Variants in NCKAP5 observed in about 807,000 individuals in gnomAD.
The protein encoded by NCKAP5 is nck-associated protein 5.
A neutral mutation model predicts 167.0 loss-of-function variants in NCKAP5; 92 were observed. That is an observed-to-expected ratio of 0.55 (90% confidence interval 0.47 to 0.66). NCKAP5 has a LOEUF of 0.66. NCKAP5 is among the 30% of genes least tolerant of loss of function. The pLI, the probability that NCKAP5 is intolerant of heterozygous loss-of-function variation, is 0.00. For synonymous variants in NCKAP5, 891 were observed against 877.4 expected (o/e 1.02, Z -0.27); for missense variants, 2,378 against 2,315.0 (o/e 1.03, Z -0.56).
chr2:133,575,227 G>A, the NCKAP5 span, among the ~76,000 whole-genome samples: 1 of 152,226 alleles, frequency 6.6e-6, no homozygotes, highest in Non-Finnish European at 1.5e-5. Context: ...TCTTGGCTCT[G>A]TTGTCACTGC....
intron 3 of NCKAP5, among the ~76,000 whole-genome samples, chr2:133,442,527 GC>G (rs985151787): frequency 3.9e-5 from 6 of 152,154 alleles, no homozygotes; most frequent in Non-Finnish European, 8.8e-5. Flanking sequence ...AACCATCCAA[GC>G]CCCCAACCCC....
At chr2:133,375,275 T>C (rs1035031782) in intron 3 of NCKAP5, among the ~76,000 whole-genome samples, 2 of 152,214 alleles carry the variant, frequency 1.3e-5, no homozygotes, top group South Asian at 2.1e-4. Context: ...TACATTCTTT[T>C]GGTATTCTTC....
Position 132,784,334 on chromosome 2 carries a change from GGGA to G in NCKAP5, c.2474_2476del (p.Leu825del). The G allele has an allele frequency of 6.2e-7, 1 of 1,614,038 alleles. No homozygotes were observed. The highest frequency in any genetic ancestry group is 8.5e-7 in the Non-Finnish European group (1 of 1,179,898). On this transcript the variant is annotated inframe_deletion, in exon 14 of 20. Transcript: ENST00000409261. ...TTCAAGAGTCACCAGGCCAGATGAA[GGGA>G]GTAGTGTGGTGGCTTCGGGCTCCAT...
intron 4 of NCKAP5, among the ~76,000 whole-genome samples, chr2:133,231,893 G>C (rs2087166772): frequency 1.3e-5 from 2 of 152,142 alleles, no homozygotes; most frequent in Non-Finnish European, 2.9e-5. Flanking sequence ...TTTTATGCTA[G>C]TCATTTTCCG....
At chr2:132,691,162 C>T (rs567563812) in intron 19 of NCKAP5, among the ~76,000 whole-genome samples, 8 of 152,162 alleles carry the variant, frequency 5.3e-5, no homozygotes, top group Non-Finnish European at 1.2e-4. Flanking sequence ...AGTCATTCTT[C>T]ACCATTTGTT....
chr2:133,093,531 C>A (rs1393729080), intron 6 of NCKAP5, among the ~76,000 whole-genome samples: 1 of 152,166 alleles, frequency 6.6e-6, no homozygotes, highest in African/African-American at 2.4e-5. Flanking sequence ...CTTCTCTCTG[C>A]AAGGTTTTTA....
At chr2:133,663,437 A>G in the NCKAP5 span, among the ~76,000 whole-genome samples, 1 of 152,192 alleles carries the variant, frequency 6.6e-6, no homozygotes, top group African/African-American at 2.4e-5. Flanking sequence ...AAAAAAATAA[A>G]GTTTGACATT....
rs114641372 is a variant in NCKAP5 at position 133,128,203 on chromosome 2, G to A, written c.341+1775C>T. The stretch of plus-strand genomic sequence containing the variant: ...GTCACAGTGTTCTCCAAATCCTGGT[G>A]AAAAGTTAAAGACAAGACCCACACA... On this transcript the variant is annotated intron_variant, in intron 6 of 19. Transcript: ENST00000409261. 5.4e-3 allele frequency among the ~76,000 whole-genome samples: 815 copies of A among 152,292 alleles called. 16 individuals carry two copies. Among genetic ancestry groups the A allele is most frequent in the African/African-American group, 0.019 (774 of 41,566 alleles).
chr2:133,331,320 TA>T (rs780027501), intron 3 of NCKAP5, among the ~76,000 whole-genome samples: 4 of 152,188 alleles, frequency 2.6e-5, no homozygotes, highest in Non-Finnish European at 5.9e-5. Flanking sequence ...AGTTTAACAT[TA>T]ATGATTAAAC....
chr2:133,435,461 G>A (rs907748742), intron 3 of NCKAP5, among the ~76,000 whole-genome samples: 1 of 152,202 alleles, frequency 6.6e-6, no homozygotes, highest in African/African-American at 2.4e-5. Flanking sequence ...TCACGTCACT[G>A]AAAACGGAGA....
intron 6 of NCKAP5, among the ~76,000 whole-genome samples, chr2:133,034,201 G>A (rs1440691031): frequency 1.3e-5 from 2 of 152,120 alleles, no homozygotes; most frequent in African/African-American, 4.8e-5. Flanking sequence ...TACAGACCAG[G>A]AGAGAGTGAA....
intron 19 of NCKAP5, among the ~76,000 whole-genome samples, chr2:132,679,241 T>G (rs1048833622): frequency 2.0e-5 from 3 of 152,124 alleles, no homozygotes; most frequent in African/African-American, 7.2e-5. Flanking sequence ...CTGTAAAAAC[T>G]ACAGCATGAA....
chr2:133,217,515 T>C (rs750111163), intron 4 of NCKAP5, among the ~76,000 whole-genome samples: 1 of 152,080 alleles, frequency 6.6e-6, no homozygotes, highest in Non-Finnish European at 1.5e-5. Flanking sequence ...ATTCAATATA[T>C]TTTTCCTCTA....
At chr2:133,328,838 G>A (rs1205462905) in intron 3 of NCKAP5, among the ~76,000 whole-genome samples, 1 of 152,164 alleles carries the variant, frequency 6.6e-6, no homozygotes, top group East Asian at 1.9e-4. Context: ...GTTCTGAAAT[G>A]TCATGAAATG....
intron 3 of NCKAP5, among the ~76,000 whole-genome samples, chr2:133,382,177 A>T (rs1450839963): frequency 6.6e-6 from 1 of 152,140 alleles, no homozygotes; most frequent in Non-Finnish European, 1.5e-5. Flanking sequence ...CCTCAATCTC[A>T]AATTCAACGA....
intron 6 of NCKAP5, among the ~76,000 whole-genome samples, chr2:133,089,758 C>T (rs1293611537): frequency 6.6e-6 from 1 of 152,164 alleles, no homozygotes; most frequent in Non-Finnish European, 1.5e-5. Flanking sequence ...TTATTGCATG[C>T]TAAAATAACC....
intron 19 of NCKAP5, among the ~76,000 whole-genome samples, chr2:132,716,737 C>G (rs981108546): frequency 1.3e-5 from 2 of 152,112 alleles, no homozygotes; most frequent in African/African-American, 2.4e-5. Context: ...TGAGCAACGG[C>G]CTTGCTACGG....
At chr2:133,576,987 A>T in the NCKAP5 span, among the ~76,000 whole-genome samples, 1 of 152,178 alleles carries the variant, frequency 6.6e-6, no homozygotes, top group African/African-American at 2.4e-5. Context: ...CATCTCAGAG[A>T]TGAGACCAGT....
intron 16 of NCKAP5, among the ~76,000 whole-genome samples, chr2:132,733,130 G>T (rs1231395870): frequency 6.6e-6 from 1 of 152,164 alleles, no homozygotes; most frequent in Non-Finnish European, 1.5e-5. Context: ...TACAGTATCT[G>T]AAAAAATTAC....
Sources: gnomAD v4.1 joint callset for allele counts (sites outside exome capture counted in the v4.1 genomes callset) on GRCh38, gnomAD v4.1.1 for gene constraint, MANE v1.5 for transcripts, NCBI Gene and HGNC (gene_info 2026-07-23, HGNC 2026-07-21) for gene names.